EXOC4: variants seen among roughly 807,000 people sequenced by gnomAD.
EXOC4 encodes SEC8-like 1.
A neutral mutation model predicts 107.2 loss-of-function variants in EXOC4; 71 were observed. That is an observed-to-expected ratio of 0.66 (90% CI 0.55 to 0.81). The LOEUF (loss-of-function observed/expected upper bound fraction) is 0.81. Ranked by LOEUF, EXOC4 falls within the 30% of genes least tolerant of loss-of-function variation. The pLI, the probability that EXOC4 is intolerant of heterozygous loss-of-function variation, is 0.00. For synonymous variants in EXOC4, 456 were observed against 441.2 expected (o/e 1.03, Z -0.42); for missense variants, 1,108 against 1,189.6 (o/e 0.93, Z 1.01).
chr7:133,936,139 C>T (rs1242616686), intron 13 of EXOC4, among the ~76,000 whole-genome samples: 1 of 152,112 alleles, frequency 6.6e-6, no homozygotes, highest in Non-Finnish European at 1.5e-5. Flanking sequence ...AGGGCCCCAC[C>T]CCAAGACCTT....
chr7:133,776,885 A>G (rs1355786169), intron 10 of EXOC4, among the ~76,000 whole-genome samples: 1 of 152,102 alleles, frequency 6.6e-6, no homozygotes, highest in Admixed American at 6.6e-5. Context: ...CTTGATATCT[A>G]AGAATACTTA....
intron 12 of EXOC4, among the ~76,000 whole-genome samples, chr7:133,912,557 C>T (rs866401371): frequency 2.0e-5 from 3 of 152,162 alleles, no homozygotes; most frequent in African/African-American, 7.2e-5. Context: ...GAGAATAAAA[C>T]GGAAACCATT....
chr7:133,365,127 G>A (rs1468857761), intron 6 of EXOC4, among the ~76,000 whole-genome samples: 3 of 152,102 alleles, frequency 2.0e-5, no homozygotes, highest in Non-Finnish European at 4.4e-5. Context: ...TTTTAATTAG[G>A]TCACTTGAGA....
chr7:134,007,150 A>C (rs1261607817), intron 16 of EXOC4, among the ~76,000 whole-genome samples: 1 of 152,134 alleles, frequency 6.6e-6, no homozygotes, highest in Non-Finnish European at 1.5e-5. Context: ...TTTATTTTTT[A>C]CTTGGCAATG....
intron 10 of EXOC4, among the ~76,000 whole-genome samples, chr7:133,661,745 A>G (rs899485758): frequency 2.0e-5 from 3 of 150,704 alleles, no homozygotes; most frequent in Non-Finnish European, 4.4e-5. Flanking sequence ...TTTAAAATAC[A>G]TTGTAACTAG....
chr7:133,693,998 G>C (rs550705093), intron 10 of EXOC4, among the ~76,000 whole-genome samples: 1 of 152,134 alleles, frequency 6.6e-6, no homozygotes, highest in Non-Finnish European at 1.5e-5. Context: ...GGGTGTGGTG[G>C]CTCATGCCTG....
intron 9 of EXOC4, among the ~76,000 whole-genome samples, chr7:133,523,324 G>T (rs577880290): frequency 6.6e-6 from 1 of 152,128 alleles, no homozygotes; most frequent in Admixed American, 6.5e-5. Context: ...GTTTGGGGAG[G>T]TCCATGTAAC....
At chr7:134,050,489 T>C (rs200338372) in intron 17 of EXOC4, among the ~76,000 whole-genome samples, 844 of 64,948 alleles carry the variant, frequency 0.013, 10 homozygotes, top group African/African-American at 0.076. Context: ...ATATTAAGAG[T>C]TTTTTTTTAA....
chr7:133,706,270 ATCCAGATAAGTAATT>A (rs1038716142), intron 10 of EXOC4, among the ~76,000 whole-genome samples: 1 of 152,252 alleles, frequency 6.6e-6, no homozygotes, highest in African/African-American at 2.4e-5. Flanking sequence ...TACTAAAAAT[ATCCAGATAAGTAATT>A]TCCAGCATAC....
the EXOC4 span, among the ~76,000 whole-genome samples, chr7:134,082,497 G>A: frequency 6.6e-6 from 1 of 152,182 alleles, no homozygotes; most frequent in Non-Finnish European, 1.5e-5. Flanking sequence ...CTGGAGTGCA[G>A]TGGCATGATC....
At chr7:133,521,367 G>A (rs887843399) in intron 9 of EXOC4, among the ~76,000 whole-genome samples, 18 of 152,158 alleles carry the variant, frequency 1.2e-4, no homozygotes, top group East Asian at 3.9e-4. Context: ...AGAATAATTC[G>A]TCTTATCTAC....
intron 9 of EXOC4, among the ~76,000 whole-genome samples, chr7:133,513,931 T>A (rs1362814972): frequency 6.6e-6 from 1 of 152,184 alleles, no homozygotes; most frequent in Non-Finnish European, 1.5e-5. Flanking sequence ...GAAAATTGGC[T>A]GTTCCATTGG....
intron 9 of EXOC4, among the ~76,000 whole-genome samples, chr7:133,589,495 C>T (rs950331319): frequency 4.6e-5 from 7 of 152,228 alleles, no homozygotes; most frequent in African/African-American, 1.7e-4. Flanking sequence ...TACAGTTCTT[C>T]AGAGAAGTGC....
At chr7:134,025,945 T>G (rs1795128983) in intron 17 of EXOC4, among the ~76,000 whole-genome samples, 1 of 152,210 alleles carries the variant, frequency 6.6e-6, no homozygotes, top group South Asian at 2.1e-4. Flanking sequence ...GAGTTATCTT[T>G]GGAATTTAGT....
At chr7:133,812,439 A>G (rs1289446477) in intron 10 of EXOC4, among the ~76,000 whole-genome samples, 2 of 152,082 alleles carry the variant, frequency 1.3e-5, no homozygotes, top group Non-Finnish European at 2.9e-5. Flanking sequence ...TGGAAGCCCT[A>G]CTGTAAGTGT....
intron 9 of EXOC4, among the ~76,000 whole-genome samples, chr7:133,486,214 G>C (rs921080500): frequency 3.9e-5 from 6 of 151,992 alleles, no homozygotes; most frequent in Admixed American, 3.9e-4. Context: ...CTCTCTAATG[G>C]GTTGTCGGTG....
chr7:133,502,680 G>C (rs1312837638), intron 9 of EXOC4, among the ~76,000 whole-genome samples: 2 of 152,136 alleles, frequency 1.3e-5, no homozygotes, highest in Non-Finnish European at 2.9e-5. Flanking sequence ...GAGATAAGAA[G>C]TAAGGCAACC....
chr7:133,662,970 T>C (rs1412192040), intron 10 of EXOC4, among the ~76,000 whole-genome samples: 1 of 152,192 alleles, frequency 6.6e-6, no homozygotes, highest in African/African-American at 2.4e-5. Flanking sequence ...GTTAATTTTC[T>C]TTGTTTTCCC....
chr7:133,915,254 A>G (rs949075859), intron 12 of EXOC4, among the ~76,000 whole-genome samples: 84 of 152,278 alleles, frequency 5.5e-4, no homozygotes, highest in African/African-American at 1.9e-3. Flanking sequence ...TCATTCATTC[A>G]TTCATTCATT....
Sources: allele counts gnomAD v4.1 joint callset (sites outside exome capture counted in the v4.1 genomes callset), GRCh38; gene constraint gnomAD v4.1.1; transcripts MANE v1.5; gene names NCBI Gene and HGNC (gene_info 2026-07-23, HGNC 2026-07-21).